Variants in PRSS35 observed in about 807,000 individuals in gnomAD.
PRSS35 encodes inactive serine protease 35.
PRSS35 carries 7 observed loss-of-function variants against 8.1 expected under a neutral mutation model. The observed-to-expected ratio is 0.86, with a 90% CI of 0.49 to 1.62. PRSS35 has a LOEUF of 1.62. PRSS35 is among the 40% of genes most tolerant of loss of function. The probability of loss-of-function intolerance (pLI) is 0.00; values close to 1 mark genes in which losing one functional copy is unlikely to be tolerated. For missense variants in PRSS35, 566 were observed against 518.0 expected (o/e 1.09, Z -0.90); for synonymous variants, 199 against 188.7 (o/e 1.05, Z -0.45).
chr6:83,524,851 G>A lies in PRSS35; in HGVS notation c.*168G>A. The A allele has an allele frequency of 1.4e-6, 1 of 722,906 alleles. No homozygotes were observed. Among genetic ancestry groups the A allele is most frequent in the African/African-American group, 1.8e-5 (1 of 55,852 alleles). 44.8% of individuals were successfully genotyped at this position (722,906 alleles called of 1,614,324 possible). ...TCGTCCATTTAAAAAATGTATAGGT[G>A]CAGATATTGAAACTAGGTGGGCACT... On this transcript the variant is annotated 3_prime_UTR_variant, in exon 2 of 2. Coordinates refer to ENST00000369700, the MANE Select transcript of PRSS35 (RefSeq NM_153362.3).
chr6:83,525,591 T>G lies in PRSS35; in HGVS notation c.*908T>G, dbSNP rs931455283. The G allele has an allele frequency of 6.0e-6, 1 of 167,112 alleles. No homozygotes were observed. The highest frequency in any genetic ancestry group is 1.5e-5 in the Non-Finnish European group (1 of 68,128). The allele number at this position is 167,112 out of a possible 1,614,324, so 10.4% of individuals were successfully genotyped here. ...AATCTTTTTCAAGAAAGAGTCTTTT[T>G]CTCCTTGACAAAATCCAGCTTTTGT... On this transcript the variant is annotated 3_prime_UTR_variant, in exon 2 of 2. Coordinates refer to ENST00000369700, the MANE Select transcript of PRSS35 (RefSeq NM_153362.3).
At chr6:83,516,370 C>T (rs540071066) in intron 1 of PRSS35, among the ~76,000 whole-genome samples, 1 of 151,566 alleles carries the variant, frequency 6.6e-6, no homozygotes, top group Non-Finnish European at 1.5e-5. Flanking sequence ...GTCAGGAGAT[C>T]GAGACCATCC....
rs762872101 is a variant in PRSS35, at chr6:83,523,836, G to A, written c.395G>A (p.Ser132Asn). ...RQVYGTDSRF[S>N]ILDKRFLTNF... ...GTGTATGGCACCGACAGCAGGTTCA[G>A]CATCTTGGACAAAAGGTTCTTAACC... Residue 132 changes from serine (S) to asparagine (N), a missense_variant, in exon 2 of 2, where the codon AGC (serine) becomes AAC (asparagine). Transcript: ENST00000369700. The A allele has an allele frequency of 1.6e-5, 26 of 1,614,074 alleles. No individual in the cohort carries two copies. The highest frequency in any genetic ancestry group is 1.6e-4 in the Middle Eastern group (1 of 6,084).
intron 1 of PRSS35, among the ~76,000 whole-genome samples, chr6:83,516,433 G>A (rs545920761): frequency 1.3e-5 from 2 of 151,740 alleles, no homozygotes; most frequent in African/African-American, 2.4e-5. Flanking sequence ...AAAATTAGCC[G>A]GGCATGGTGG....
At chr6:83,516,575 CAAAAAA>C (rs70987760) in intron 1 of PRSS35, among the ~76,000 whole-genome samples, 82 of 101,878 alleles carry the variant, frequency 8.0e-4, no homozygotes, top group African/African-American at 2.8e-3. Context: ...GACTGCGTCT[CAAAAAA>C]AAAAAAAAAA....
intron 1 of PRSS35, among the ~76,000 whole-genome samples, chr6:83,518,883 A>G (rs2127713213): frequency 6.6e-6 from 1 of 152,190 alleles, no homozygotes; most frequent in Non-Finnish European, 1.5e-5. Flanking sequence ...CGAAATTACT[A>G]TAATATTATC....
chr6:83,525,023 G>C lies in PRSS35; in HGVS notation c.*340G>C, dbSNP rs1771912844. 1 of 221,538 alleles carries C rather than the reference G, an allele frequency of 4.5e-6. No individual in the cohort carries two copies. The highest frequency in any genetic ancestry group is 9.7e-6 in the Non-Finnish European group (1 of 103,432). 13.7% of individuals were successfully genotyped at this position (221,538 alleles called of 1,614,324 possible). On this transcript the variant is annotated 3_prime_UTR_variant, in exon 2 of 2. Coordinates refer to ENST00000369700, the MANE Select transcript of PRSS35 (RefSeq NM_153362.3). ...GACTCCTTAATGGACTTATTCTCAG[G>C]GTCCTACTCTAAGAAGAATCTAATA...
intron 1 of PRSS35, among the ~76,000 whole-genome samples, chr6:83,519,651 A>T (rs1396923155): frequency 6.6e-6 from 1 of 152,234 alleles, no homozygotes; most frequent in Non-Finnish European, 1.5e-5. Context: ...AGTGTCTTTA[A>T]ACATTTGCCC....
intron 1 of PRSS35, among the ~76,000 whole-genome samples, chr6:83,520,955 T>C (rs1402638290): frequency 1.3e-5 from 2 of 152,180 alleles, no homozygotes; most frequent in Non-Finnish European, 2.9e-5. Context: ...CCAAATGAGA[T>C]ACTTTGTGTC....
rs1771892893 is a variant in PRSS35, at chr6:83,524,367, T to G, written c.926T>G (p.Phe309Cys). 1 of 1,614,148 alleles carries G rather than the reference T, an allele frequency of 6.2e-7. No individual in the cohort carries two copies. The change falls in exon 2 of 2, where the codon TTC becomes TGC. Residue 309 changes from phenylalanine (F) to cysteine (C), a missense_variant. By Grantham distance (205) the Phe-to-Cys change is radical (BLOSUM62 -2). Coordinates refer to ENST00000369700, the MANE Select transcript of PRSS35 (RefSeq NM_153362.3). ...AAAATGCCTGGTGGAATGATCCACTTCTCAGGATTTGATAACGATAGGGCT... is the reference window on the plus strand; with the variant it reads ...AAAATGCCTGGTGGAATGATCCACTGCTCAGGATTTGATAACGATAGGGCT... ...IKKMPGGMIH[F>C]SGFDNDRADQ...
Position 83,523,905 on chromosome 6 carries a change from G to C in PRSS35, c.464G>C (p.Ser155Thr), listed in dbSNP as rs768715990. ...GCTGTGAAGCTTTCCACGGGCTGTA[G>C]TGGCATTCTCATTTCCCCTCAGCAT... ...STAVKLSTGC[S>T]GILISPQHVL... The change falls in exon 2 of 2, where the codon AGT (serine) becomes ACT (threonine). Residue 155 changes from serine (S) to threonine (T), a missense_variant. Physicochemically the swap from Ser to Thr is moderately conservative, Grantham distance 58. Coordinates refer to ENST00000369700, the MANE Select transcript of PRSS35 (RefSeq NM_153362.3). 1 of 1,614,082 alleles carries C rather than the reference G, an allele frequency of 6.2e-7. No individual in the cohort carries two copies. The highest frequency in any genetic ancestry group is 1.3e-5 in the African/African-American group (1 of 74,942).
chr6:83,513,509 CCA>C (rs1023597884), intron 1 of PRSS35, among the ~76,000 whole-genome samples: 1 of 152,098 alleles, frequency 6.6e-6, no homozygotes, highest in African/African-American at 2.4e-5. Context: ...ACATTTGTCT[CCA>C]CAGAGGATTA....
chr6:83,512,592 C>A lies in PRSS35; in HGVS notation c.-123C>A, dbSNP rs1033551322. The A allele has an allele frequency of 1.3e-5, 2 of 152,368 alleles. No homozygotes were observed. The highest frequency in any genetic ancestry group is 1.5e-5 in the Non-Finnish European group (1 of 68,204). The allele number at this position is 152,368 out of a possible 1,614,324, so 9.4% of individuals were successfully genotyped here. On this transcript the variant is annotated 5_prime_UTR_variant, in exon 1 of 2. Transcript: ENST00000369700. Reference sequence around the variant, plus strand: ...CCGGCCTTGGCGGGGCGGCCTCCGGCTCAGGCTGGCTGAGAGGCTCCCAGC... The same window carrying A: ...CCGGCCTTGGCGGGGCGGCCTCCGGATCAGGCTGGCTGAGAGGCTCCCAGC...
At chr6:83,516,401 C>T (rs1187790391) in intron 1 of PRSS35, among the ~76,000 whole-genome samples, 1 of 151,418 alleles carries the variant, frequency 6.6e-6, no homozygotes, top group African/African-American at 2.4e-5. Context: ...GGTGACACCC[C>T]ATCTCTACTA....
Position 83,523,921 on chromosome 6 carries a change from C to T in PRSS35, c.480C>T (p.Ser160=). 2 of 1,614,166 alleles carry T rather than the reference C, an allele frequency of 1.2e-6. No individual in the cohort carries two copies. Among genetic ancestry groups the T allele is most frequent in the Non-Finnish European group, 8.5e-7 (1 of 1,180,030 alleles). ...LSTGCSGILI[S]PQHVLTAAHC... ...CGGGCTGTAGTGGCATTCTCATTTC[C>T]CCTCAGCATGTTCTAACTGCTGCCC... Residue 160 remains serine, a synonymous_variant, in exon 2 of 2, where the codon TCC becomes TCT. Transcript: ENST00000369700.
At chr6:83,516,406 C>G (rs912889833) in intron 1 of PRSS35, among the ~76,000 whole-genome samples, 2 of 151,500 alleles carry the variant, frequency 1.3e-5, no homozygotes, top group South Asian at 2.1e-4. Context: ...CACCCCATCT[C>G]TACTAAAAAT....
rs757596962 is a variant in PRSS35 at position 83,524,182 on chromosome 6, T to C, written c.741T>C (p.Pro247=). 4 of 1,614,050 alleles carry C rather than the reference T, an allele frequency of 2.5e-6. No homozygotes were observed. The highest frequency in any genetic ancestry group is 1.7e-5 in the Admixed American group (1 of 60,002). ...GTCAGAGGATTGCCGAAGGGAGGCC[T>C]TCCTTTCAGTGGACCCGGGTCAAGA... ...GRGQRIAEGR[P]SFQWTRVKNT... The change falls in exon 2 of 2, where the codon CCT becomes CCC. Residue 247 remains proline (P), a synonymous_variant. Coordinates refer to ENST00000369700, the MANE Select transcript of PRSS35 (RefSeq NM_153362.3).
At chr6:83,518,983 C>T (rs762064516) in intron 1 of PRSS35, among the ~76,000 whole-genome samples, 35 of 152,142 alleles carry the variant, frequency 2.3e-4, no homozygotes, top group Non-Finnish European at 4.3e-4. Context: ...GGGAATTGAA[C>T]CCAAGCCTTC....
intron 1 of PRSS35, among the ~76,000 whole-genome samples, chr6:83,516,304 G>A (rs1771712572): frequency 6.6e-6 from 1 of 151,956 alleles, no homozygotes; most frequent in African/African-American, 2.4e-5. Context: ...GCTGGGCACG[G>A]TGGCTCACGC....
Sources: allele counts gnomAD v4.1 joint callset (sites outside exome capture counted in the v4.1 genomes callset), GRCh38; gene constraint gnomAD v4.1.1; transcripts MANE v1.5; gene names NCBI Gene and HGNC (gene_info 2026-07-23, HGNC 2026-07-21).